Variants in EIF4G3 observed in about 807,000 individuals in gnomAD.
EIF4G3 encodes the protein eIF-4-gamma 3.
A neutral mutation model predicts 186.4 loss-of-function variants in EIF4G3; 34 were observed. The ratio of observed to expected loss-of-function variants is 0.18; its 90% CI spans 0.14 to 0.24. The LOEUF (loss-of-function observed/expected upper bound fraction) is 0.24. Ranked by LOEUF, EIF4G3 falls within the 10% of genes least tolerant of loss-of-function variation. The pLI, the probability that EIF4G3 is intolerant of heterozygous loss-of-function variation, is 1.00. For synonymous variants in EIF4G3, 673 were observed against 679.5 expected (o/e 0.99, Z 0.15); for missense variants, 1,536 against 1,948.5 (o/e 0.79, Z 3.99).
intron 6 of EIF4G3, among the ~76,000 whole-genome samples, chr1:20,999,542 T>A (rs1329727840): frequency 6.6e-6 from 1 of 152,128 alleles, no homozygotes. Flanking sequence ...GGCTCTAAAA[T>A]AAAAGCTAAA....
At chr1:20,857,326 TTGTG>T (rs145504996) in intron 25 of EIF4G3, 73 bp downstream of exon 25, 124 of 1,106,986 alleles carry the variant, frequency 1.1e-4, no homozygotes, top group African/African-American at 2.3e-4. Context: ...CTATTGTAAA[TTGTG>T]TGTGTGTGTG....
At chr1:20,983,540 T>C (rs1196916394) in intron 7 of EIF4G3, among the ~76,000 whole-genome samples, 1 of 136,822 alleles carries the variant, frequency 7.3e-6, no homozygotes, top group Non-Finnish European at 1.7e-5. Flanking sequence ...TAAACAACAC[T>C]TCAGGAACAA....
rs565311807 is a variant in EIF4G3 at position 20,820,743 on chromosome 1, G to T, written c.4369-3205C>A. ...ATGGGCAGAGGACAAAGAGGGTAGA[G>T]AGACGATTGGAGGACCAGCTGCAGA... On this transcript the variant is annotated intron_variant, in intron 33 of 36. Transcript: ENST00000602326. Among the ~76,000 whole-genome samples the T allele has an allele frequency of 7.2e-4, 110 of 152,262 alleles. 4 individuals are homozygous for T. In the South Asian group the frequency reaches 0.023, roughly 31 times the overall value.
At chr1:20,915,893 C>T (rs1019013931) in intron 14 of EIF4G3, among the ~76,000 whole-genome samples, 6 of 152,108 alleles carry the variant, frequency 3.9e-5, no homozygotes, top group Admixed American at 6.6e-5. Flanking sequence ...AGGGTGCATC[C>T]AGCTGGAAAT....
intron 26 of EIF4G3, 71 bp downstream of exon 26, chr1:20,854,907 C>T (rs1338329456): frequency 7.8e-7 from 1 of 1,282,146 alleles, no homozygotes; most frequent in Non-Finnish European, 1.1e-6. Context: ...CATTCGATGA[C>T]TATGGGAATG....
chr1:20,959,455 AC>A (rs1184147476), intron 12 of EIF4G3, among the ~76,000 whole-genome samples: 1 of 151,810 alleles, frequency 6.6e-6, no homozygotes, highest in African/African-American at 2.4e-5. Flanking sequence ...ATTGGAAAAA[AC>A]TCTTCTAGAC....
At chr1:21,074,112 C>T (rs555920604) in intron 3 of EIF4G3, among the ~76,000 whole-genome samples, 1 of 152,030 alleles carries the variant, frequency 6.6e-6, no homozygotes. Flanking sequence ...AATAATTTTG[C>T]CTAACGTTTG....
intron 29 of EIF4G3, among the ~76,000 whole-genome samples, chr1:20,842,679 T>C (rs1456989428): frequency 6.6e-6 from 1 of 152,072 alleles, no homozygotes; most frequent in East Asian, 1.9e-4. Context: ...AAATGTTTCT[T>C]ATATATGCTT....
At chr1:20,869,456 T>C (rs1211855067) in intron 20 of EIF4G3, among the ~76,000 whole-genome samples, 1 of 151,870 alleles carries the variant, frequency 6.6e-6, no homozygotes, top group Non-Finnish European at 1.5e-5. Flanking sequence ...TCACTACTCC[T>C]GGCCAAGGAC....
At chr1:21,142,284 G>A (rs1376112599) in intron 2 of EIF4G3, among the ~76,000 whole-genome samples, 1 of 151,492 alleles carries the variant, frequency 6.6e-6, no homozygotes, top group Non-Finnish European at 1.5e-5. Context: ...TGGACTGCTT[G>A]AGCCCAGGAG....
intron 2 of EIF4G3, among the ~76,000 whole-genome samples, chr1:21,127,602 G>A (rs1572959233): frequency 1.3e-5 from 2 of 152,292 alleles, no homozygotes; most frequent in South Asian, 2.1e-4. Context: ...CCCTACCTGT[G>A]CATAAGGCCA....
chr1:20,956,492 G>A (rs2096422139), intron 12 of EIF4G3, among the ~76,000 whole-genome samples: 1 of 152,050 alleles, frequency 6.6e-6, no homozygotes, highest in African/African-American at 2.4e-5. Context: ...CAGCAGTGAA[G>A]GTGGTGGGAA....
At position 20,864,471 on chromosome 1, in the gene EIF4G3, T is replaced by C. The variant is rs1322654540; in HGVS notation, c.3006+5A>G. ...GCGAAGGTTTCTGAGCTTTTGGATT[T>C]TTACCTTTGCTTTTTCAAAGTCCAA... On this transcript the variant is annotated splice_donor_5th_base_variant and intron_variant, in intron 22 of 36. Coordinates refer to ENST00000602326, the MANE Select transcript of EIF4G3 (RefSeq NM_001391906.1). 6.2e-7 allele frequency: 1 copy of C among 1,611,486 alleles called. No homozygotes were observed. Among genetic ancestry groups the C allele is most frequent in the Non-Finnish European group, 8.5e-7 (1 of 1,178,816 alleles).
chr1:21,089,721 A>T (rs2096119028), intron 2 of EIF4G3, among the ~76,000 whole-genome samples: 2 of 151,964 alleles, frequency 1.3e-5, no homozygotes, highest in Non-Finnish European at 2.9e-5. Flanking sequence ...GGAGTTTAAC[A>T]AGTTGCAATT....
At chr1:20,809,086 G>A (rs1305504638) in intron 36 of EIF4G3, among the ~76,000 whole-genome samples, 2 of 151,880 alleles carry the variant, frequency 1.3e-5, no homozygotes, top group African/African-American at 4.8e-5. Context: ...TGATTCTCCT[G>A]CCTCAGCCTC....
intron 4 of EIF4G3, among the ~76,000 whole-genome samples, chr1:21,010,090 T>C (rs1284094948): frequency 1.3e-5 from 2 of 152,086 alleles, no homozygotes; most frequent in Non-Finnish European, 2.9e-5. Flanking sequence ...ATGTGACTGA[T>C]GAAACTGAAA....
At chr1:20,868,511 C>T (rs535216975) in intron 20 of EIF4G3, among the ~76,000 whole-genome samples, 13 of 152,208 alleles carry the variant, frequency 8.5e-5, no homozygotes, top group African/African-American at 3.1e-4. Flanking sequence ...TACTGCCCCC[C>T]ACCCACCTCC....
At chr1:21,077,195 A>G (rs2095614476) in intron 3 of EIF4G3, among the ~76,000 whole-genome samples, 1 of 152,144 alleles carries the variant, frequency 6.6e-6, no homozygotes, top group Non-Finnish European at 1.5e-5. Flanking sequence ...CCAGGCATTC[A>G]AGACCATCCT....
chr1:20,984,279 C>A lies in EIF4G3; in HGVS notation c.178-1871G>T, dbSNP rs2078942342. Among the ~76,000 whole-genome samples, 3 of 151,674 alleles carry A rather than the reference C, an allele frequency of 2.0e-5. No individual in the cohort carries two copies. In the South Asian group the frequency reaches 6.3e-4, roughly 32 times the overall value. ...TTCCTGGGTTCAAGCGATTCTCCTG[C>A]CTCAGCCTCCTGACTAGCTGGGACT... On this transcript the variant is annotated intron_variant, in intron 7 of 36. Transcript: ENST00000602326.
Sources: gnomAD v4.1 joint callset for allele counts (sites outside exome capture counted in the v4.1 genomes callset) on GRCh38, gnomAD v4.1.1 for gene constraint, MANE v1.5 for transcripts, NCBI Gene and HGNC (gene_info 2026-07-23, HGNC 2026-07-21) for gene names.